EIF4E: variants seen among roughly 807,000 people sequenced by gnomAD.
The protein encoded by EIF4E is eukaryotic translation initiation factor 4E, also known as eIF-4F 25 kDa subunit.
For synonymous variants in EIF4E, 71 were observed against 88.5 expected (o/e 0.80, Z 1.11); for missense variants, 113 against 265.6 (o/e 0.43, Z 3.99).
chr4:98,918,829 T>C (rs1250784414), intron 1 of EIF4E, among the ~76,000 whole-genome samples: 1 of 152,234 alleles, frequency 6.6e-6, no homozygotes, highest in African/African-American at 2.4e-5. Context: ...TACTATTTAC[T>C]TTTTATAAAT....
intron 1 of EIF4E, among the ~76,000 whole-genome samples, chr4:98,919,928 T>C (rs1725573792): frequency 6.6e-6 from 1 of 152,236 alleles, no homozygotes; most frequent in Non-Finnish European, 1.5e-5. Flanking sequence ...TAATTATTAA[T>C]ATTAAATAAA....
chr4:98,918,156 A>G (rs1725467343), intron 1 of EIF4E, among the ~76,000 whole-genome samples: 1 of 151,914 alleles, frequency 6.6e-6, no homozygotes, highest in Non-Finnish European at 1.5e-5. Flanking sequence ...TAAGATCAGG[A>G]GTTTGAGACC....
intron 1 of EIF4E, 46 bp from the exon 2 acceptor site, chr4:98,902,028 T>C (rs1328247898): frequency 1.3e-6 from 2 of 1,525,008 alleles, no homozygotes; most frequent in Non-Finnish European, 1.8e-6. Context: ...TCTTAACACA[T>C]CTATGACAGC....
In EIF4E at chr4:98,896,660, T is replaced by C. The variant is rs1724418077; in HGVS notation, c.125+5216A>G. On this transcript the variant is annotated intron_variant, in intron 2 of 6. Coordinates refer to ENST00000450253, the MANE Select transcript of EIF4E (RefSeq NM_001968.5). ...GTCTGGGCGACAGAATGGGACCATG[T>C]CTCTTCCAAAAAAAAAAAAAAAAAA... Among the ~76,000 whole-genome samples, 2 of 95,812 alleles carry C rather than the reference T, an allele frequency of 2.1e-5. 1 individual carries two copies. Among genetic ancestry groups the C allele is most frequent in the South Asian group, 7.6e-4 (2 of 2,646 alleles). The allele number at this position is 95,812 out of a possible 152,430, so 62.9% of individuals were successfully genotyped here.
At chr4:98,904,246 G>C (rs978844996) in intron 1 of EIF4E, among the ~76,000 whole-genome samples, 2 of 152,162 alleles carry the variant, frequency 1.3e-5, no homozygotes, top group African/African-American at 4.8e-5. Context: ...GACTGCTTGA[G>C]TCCAGGAGTT....
At chr4:98,885,429 T>C (rs1723874858) in intron 5 of EIF4E, among the ~76,000 whole-genome samples, 1 of 152,164 alleles carries the variant, frequency 6.6e-6, no homozygotes, top group Admixed American at 6.5e-5. Context: ...TTATGAATAT[T>C]TGTTAATGGT....
At chr4:98,922,725 A>G (rs2110225353) in intron 1 of EIF4E, among the ~76,000 whole-genome samples, 1 of 152,292 alleles carries the variant, frequency 6.6e-6, no homozygotes, top group Admixed American at 6.5e-5. Flanking sequence ...GTTGCTTACA[A>G]CTATAAATCC....
chr4:98,900,544 T>C (rs1489423233), intron 2 of EIF4E, among the ~76,000 whole-genome samples: 2 of 152,094 alleles, frequency 1.3e-5, no homozygotes, highest in African/African-American at 4.8e-5. Context: ...AGAGAGTGAA[T>C]GGTCTGCCCT....
intron 2 of EIF4E, among the ~76,000 whole-genome samples, chr4:98,892,839 G>C (rs1015733515): frequency 7.2e-5 from 11 of 152,154 alleles, no homozygotes; most frequent in African/African-American, 2.7e-4. Context: ...AATAAAGATT[G>C]AGTAATGCTG....
rs537188249 is a variant in EIF4E at position 98,909,119 on chromosome 4, G to T, written c.19-7137C>A. Among the ~76,000 whole-genome samples, 146 of 152,126 alleles carry T rather than the reference G, an allele frequency of 9.6e-4. 1 individual carries two copies. The highest frequency in any genetic ancestry group is 2.0e-3 in the Admixed American group (30 of 15,264). On this transcript the variant is annotated intron_variant, in intron 1 of 6. Coordinates refer to ENST00000450253, the MANE Select transcript of EIF4E (RefSeq NM_001968.5). ...TAAACTAGTAAAAAAGGCATGAATG[G>T]TACACCTCACCCTTCCTCCCAGACA...
intron 1 of EIF4E, among the ~76,000 whole-genome samples, chr4:98,918,578 G>C (rs1725505021): frequency 6.6e-6 from 1 of 151,922 alleles, no homozygotes; most frequent in African/African-American, 2.4e-5. Context: ...CTACTTTATA[G>C]ATATATTATC....
intron 1 of EIF4E, among the ~76,000 whole-genome samples, chr4:98,917,110 ACACACACACACACACACACACAC>A (rs1725412582): frequency 3.8e-5 from 3 of 79,266 alleles, no homozygotes; most frequent in Non-Finnish European, 6.4e-5. Context: ...ACACACACAC[ACACACACACACACACACACACAC>A]AAAAAAAACC....
intron 1 of EIF4E, among the ~76,000 whole-genome samples, chr4:98,927,268 C>T (rs1725911391): frequency 6.6e-6 from 1 of 152,094 alleles, no homozygotes; most frequent in African/African-American, 2.4e-5. Flanking sequence ...GAGAAGCTGC[C>T]TTGAATTTTG....
chr4:98,927,654 C>CAAAA lies in EIF4E; in HGVS notation c.18+1437_18+1440dup, dbSNP rs774720176. On this transcript the variant is annotated intron_variant, in intron 1 of 6. Transcript: ENST00000450253. ...TGGGCGACAAAGCAAGACTCCATCT[C>CAAAA]AAAAAAAAAAAAAAAAAAAAAAAAA... 1.4e-3 allele frequency among the ~76,000 whole-genome samples: 50 copies of CAAAA among 35,088 alleles called. 1 individual carries two copies. The highest frequency in any genetic ancestry group is 1.6e-3 in the Non-Finnish European group (30 of 18,458). 23.0% of individuals were successfully genotyped at this position (35,088 alleles called of 152,430 possible). A position where few individuals can be genotyped will look rare whatever the true frequency, so the allele number is the denominator to read the frequency against.
At chr4:98,895,787 A>G (rs764205535) in intron 2 of EIF4E, among the ~76,000 whole-genome samples, 2 of 152,242 alleles carry the variant, frequency 1.3e-5, no homozygotes, top group Non-Finnish European at 2.9e-5. Flanking sequence ...AAGGTGGATC[A>G]TACCAGTAAT....
rs143090844 is a variant in EIF4E, at chr4:98,907,396, C to A, written c.19-5414G>T. Among the ~76,000 whole-genome samples, 491 of 152,142 alleles carry A rather than the reference C, an allele frequency of 3.2e-3. 5 individuals are homozygous for A. Among genetic ancestry groups the A allele is most frequent in the African/African-American group, 0.011 (473 of 41,520 alleles). ...AGCATTGAGCTGCAACTATCTATTA[C>A]CAAGGAACAGCATAAAGGACATTGA... On this transcript the variant is annotated intron_variant, in intron 1 of 6. Coordinates refer to ENST00000450253, the MANE Select transcript of EIF4E (RefSeq NM_001968.5).
chr4:98,895,110 T>C (rs754959190), intron 2 of EIF4E: 4 of 152,206 alleles, frequency 2.6e-5, no homozygotes, highest in African/African-American at 7.2e-5. Flanking sequence ...ACAATTATAA[T>C]AGCAACATCA....
At chr4:98,920,322 A>G (rs989642644) in intron 1 of EIF4E, among the ~76,000 whole-genome samples, 11 of 149,946 alleles carry the variant, frequency 7.3e-5, no homozygotes, top group African/African-American at 2.7e-4. Flanking sequence ...TTTTTTTGAG[A>G]CGGAGTTTCA....
intron 3 of EIF4E, 123 bp downstream of exon 3, chr4:98,891,113 TA>T (rs1046214699): frequency 7.5e-6 from 8 of 1,072,866 alleles, no homozygotes; most frequent in African/African-American, 1.6e-5. Context: ...TGTGAGGAGA[TA>T]AAAAAATAGA....
Sources: gnomAD v4.1 joint callset for allele counts (sites outside exome capture counted in the v4.1 genomes callset) on GRCh38, gnomAD v4.1.1 for gene constraint, MANE v1.5 for transcripts, NCBI Gene and HGNC (gene_info 2026-07-23, HGNC 2026-07-21) for gene names.